Variants in CFHR3 observed in about 807,000 individuals in gnomAD.
CFHR3 encodes complement factor H-related protein 3.
In CFHR3, 22 loss-of-function variants were observed where a neutral mutation model predicts 36.0. The ratio of observed to expected loss-of-function variants is 0.61; its 90% CI spans 0.44 to 0.87. CFHR3 has a LOEUF of 0.87. CFHR3 is among the 40% of genes least tolerant of loss of function. CFHR3 has a pLI of 0.00. For missense variants in CFHR3, 276 were observed against 401.3 expected, an observed-to-expected ratio of 0.69 and a Z score of 2.67; for synonymous variants, 97 against 137.4, an observed-to-expected ratio of 0.71 and a Z score of 2.06.
In CFHR3 at chr1:196,789,696, G is replaced by A. The variant is rs1461656936; in HGVS notation, c.614-349G>A. On this transcript the variant is annotated intron_variant, in intron 4 of 5. Coordinates refer to ENST00000367425, the MANE Select transcript of CFHR3 (RefSeq NM_021023.6). ...TACGATGGATATGAAATCAGTTATG[G>A]AAACACCACAGGTTCCATAGTGTGT... is the stretch of plus-strand genomic sequence containing the variant. 3 of 1,475,234 alleles carry A rather than the reference G, an allele frequency of 2.0e-6. No homozygotes were observed. In the African/African-American group the frequency reaches 5.2e-5, roughly 26 times the overall value. 91.4% of individuals were successfully genotyped at this position (1,475,234 alleles called of 1,614,324 possible). A position where few individuals can be genotyped will look rare whatever the true frequency, so the allele number is the denominator to read the frequency against.
chr1:196,778,634 C>T (rs1653825711), intron 1 of CFHR3, among the ~76,000 whole-genome samples: 1 of 135,292 alleles, frequency 7.4e-6, no homozygotes, highest in African/African-American at 3.1e-5. Context: ...TGCATGCCAT[C>T]GAATACAAAC....
At chr1:196,788,420 A>G in intron 4 of CFHR3, 22 bp downstream of exon 4, 1 of 1,522,398 alleles carries the variant, frequency 6.6e-7, no homozygotes, top group Non-Finnish European at 8.9e-7. Flanking sequence ...ACATATTCCC[A>G]TTCAGTTTCT....
chr1:196,778,045 C>G, intron 1 of CFHR3, among the ~76,000 whole-genome samples: 1 of 133,086 alleles, frequency 7.5e-6, no homozygotes, highest in East Asian at 2.0e-4. Context: ...AATATATGTC[C>G]CTTTCTTCTT....
chr1:196,787,055 ATTGT>A lies in CFHR3; in HGVS notation c.431-1156_431-1153del, dbSNP rs767727462. Among the ~76,000 whole-genome samples the A allele has an allele frequency of 1.2e-4, 16 of 137,464 alleles. 3 individuals are homozygous for A. Among genetic ancestry groups the A allele is most frequent in the Non-Finnish European group, 1.7e-4 (11 of 64,686 alleles). 90.2% of individuals were successfully genotyped at this position (137,464 alleles called of 152,430 possible). A position where few individuals can be genotyped will look rare whatever the true frequency, so the allele number is the denominator to read the frequency against. On this transcript the variant is annotated intron_variant, in intron 3 of 5. Coordinates refer to ENST00000367425, the MANE Select transcript of CFHR3 (RefSeq NM_021023.6). ...TTTTTAAGTAAAGGGGACTCTGAAAATTGTTTGTGTGTATTGTTTGCAATTTACA... is the reference window on the plus strand; with the variant it reads ...TTTTTAAGTAAAGGGGACTCTGAAAATTGTGTGTATTGTTTGCAATTTACA...
chr1:196,777,758 G>A lies in CFHR3; in HGVS notation c.59-1404G>A, dbSNP rs547128546. ...TCCCAGCACTTTCGGGGGCCAAGGC[G>A]CGCGGATCACTTGAGGTCAGGAGTT... On this transcript the variant is annotated intron_variant, in intron 1 of 5. Coordinates refer to ENST00000367425, the MANE Select transcript of CFHR3 (RefSeq NM_021023.6). Among the ~76,000 whole-genome samples, 70 of 135,032 alleles carry A rather than the reference G, an allele frequency of 5.2e-4. 9 individuals carry two copies. Among genetic ancestry groups the A allele is most frequent in the Non-Finnish European group, 6.4e-4 (41 of 64,030 alleles). 88.6% of individuals were successfully genotyped at this position (135,032 alleles called of 152,430 possible). A position where few individuals can be genotyped will look rare whatever the true frequency, so the allele number is the denominator to read the frequency against.
At chr1:196,789,093 T>A (rs1654321957) in intron 4 of CFHR3, 2 of 1,086,302 alleles carry the variant, frequency 1.8e-6, no homozygotes, top group African/African-American at 4.2e-5. Flanking sequence ...AAAAGTTGAT[T>A]TTTTTTCTTT....
chr1:196,780,028 A>G, intron 3 of CFHR3, 55 bp downstream of exon 3: 1 of 1,522,556 alleles, frequency 6.6e-7, no homozygotes, highest in South Asian at 1.2e-5. Flanking sequence ...AGTAACACGG[A>G]CGACAGTCTC....
Position 196,786,422 on chromosome 1 carries a change from G to A in CFHR3, c.431-1794G>A, listed in dbSNP as rs1221840670. On this transcript the variant is annotated intron_variant, in intron 3 of 5. Transcript: ENST00000367425. ...GCCCCCAGAGGTGGAGCCTACAGAGGCAGGCAGGCCTCCTTGAGCTGTGGT... is the reference window on the plus strand; with the variant it reads ...GCCCCCAGAGGTGGAGCCTACAGAGACAGGCAGGCCTCCTTGAGCTGTGGT... Among the ~76,000 whole-genome samples, 2 of 135,746 alleles carry A rather than the reference G, an allele frequency of 1.5e-5. 1 individual carries two copies. Among genetic ancestry groups the A allele is most frequent in the Non-Finnish European group, 3.1e-5 (2 of 64,192 alleles). 89.1% of individuals were successfully genotyped at this position (135,746 alleles called of 152,430 possible).
At chr1:196,779,136 CTTTT>C (rs755753817) in intron 1 of CFHR3, 22 bp from the exon 2 acceptor site, 1 of 1,438,144 alleles carries the variant, frequency 7.0e-7, no homozygotes, top group Non-Finnish European at 9.5e-7. Flanking sequence ...ATTATTTATA[CTTTT>C]TTGTTTGTTT....
At chr1:196,780,451 A>G (rs1653901123) in intron 3 of CFHR3, among the ~76,000 whole-genome samples, 1 of 137,414 alleles carries the variant, frequency 7.3e-6, no homozygotes, top group African/African-American at 3.0e-5. Context: ...AATATTTACA[A>G]GTTGAGTGGC....
chr1:196,789,399 C>T, intron 4 of CFHR3: 5 of 894,956 alleles, frequency 5.6e-6, no homozygotes, highest in Non-Finnish European at 6.6e-6. Flanking sequence ...TTTTCAATTT[C>T]TATACTTATC....
chr1:196,782,753 G>A (rs149283687), intron 3 of CFHR3, among the ~76,000 whole-genome samples: 2,479 of 136,910 alleles, frequency 0.018, 668 homozygotes, highest in African/African-American at 0.072. Flanking sequence ...CTGCAAACAA[G>A]GACAATTTGA....
chr1:196,781,651 T>G (rs1414134882), intron 3 of CFHR3, among the ~76,000 whole-genome samples: 1 of 135,936 alleles, frequency 7.4e-6, no homozygotes, highest in Non-Finnish European at 1.6e-5. Context: ...ATGGGGTTGT[T>G]TGTTTTTTTC....
At chr1:196,781,298 G>A (rs375318605) in intron 3 of CFHR3, among the ~76,000 whole-genome samples, 1 of 135,300 alleles carries the variant, frequency 7.4e-6, no homozygotes, top group Non-Finnish European at 1.6e-5. Context: ...ATGATTTATA[G>A]TCCTTTGGGT....
Position 196,790,435 on chromosome 1 carries a change from C to T in CFHR3, c.796+208C>T, listed in dbSNP as rs956784802. ...CAATGACCAAGTTTCTTTTTTAAAACAGGAATGTCGGCCTGGGGTGGTGGC... is the reference window on the plus strand; with the variant it reads ...CAATGACCAAGTTTCTTTTTTAAAATAGGAATGTCGGCCTGGGGTGGTGGC... On this transcript the variant is annotated intron_variant, in intron 5 of 5. Transcript: ENST00000367425. Among the ~76,000 whole-genome samples the T allele has an allele frequency of 1.9e-3, 252 of 131,634 alleles. 40 individuals are homozygous for T. Among genetic ancestry groups the T allele is most frequent in the South Asian group, 0.011 (40 of 3,642 alleles). The allele number at this position is 131,634 out of a possible 152,430, so 86.4% of individuals were successfully genotyped here.
chr1:196,780,108 T>A (rs1309703024), intron 3 of CFHR3, 135 bp downstream of exon 3: 1 of 1,197,600 alleles, frequency 8.4e-7, no homozygotes, highest in African/African-American at 1.9e-5. Context: ...TATTTAGTTT[T>A]ACTTTTTTAA....
chr1:196,786,338 C>G (rs1401493729), intron 3 of CFHR3, among the ~76,000 whole-genome samples: 1 of 134,852 alleles, frequency 7.4e-6, no homozygotes, highest in African/African-American at 3.2e-5. Context: ...TCAAAGCTGT[C>G]AGACAGGGAC....
Position 196,793,786 on chromosome 1 carries a change from G to A in CFHR3, c.*273G>A, listed in dbSNP as rs1474891700. 1.7e-5 allele frequency: 5 copies of A among 290,112 alleles called. No homozygotes were observed. Among genetic ancestry groups the A allele is most frequent in the Non-Finnish European group, 3.1e-5 (5 of 158,734 alleles). The allele number at this position is 290,112 out of a possible 1,614,324, so 18.0% of individuals were successfully genotyped here. ...GAATTAGTAAGTATAGAGACAGACA[G>A]CTGAATGGCTTTCTGCATATTGTAT... On this transcript the variant is annotated 3_prime_UTR_variant, in exon 6 of 6. Coordinates refer to ENST00000367425, the MANE Select transcript of CFHR3 (RefSeq NM_021023.6).
In CFHR3 at chr1:196,793,363, G is replaced by A; in HGVS notation, c.843G>A (p.Lys281=). 1 of 1,522,198 alleles carries A rather than the reference G, an allele frequency of 6.6e-7. No individual in the cohort carries two copies. The highest frequency in any genetic ancestry group is 2.3e-5 in the East Asian group (1 of 44,434). The allele number at this position is 1,522,198 out of a possible 1,614,324, so 94.3% of individuals were successfully genotyped here. A position where few individuals can be genotyped will look rare whatever the true frequency, so the allele number is the denominator to read the frequency against. ...AAAACATGAATAAAAATAACATAAA[G>A]TTAAAAGGAAGAAGTGACAGAAAAT... ...TEENMNKNNI[K]LKGRSDRKYY... Residue 281 remains lysine (K), a synonymous_variant, in exon 6 of 6, where the codon AAG becomes AAA. Coordinates refer to ENST00000367425, the MANE Select transcript of CFHR3 (RefSeq NM_021023.6).
Sources: allele counts gnomAD v4.1 joint callset (sites outside exome capture counted in the v4.1 genomes callset), GRCh38; gene constraint gnomAD v4.1.1; transcripts MANE v1.5; gene names NCBI Gene and HGNC (gene_info 2026-07-23, HGNC 2026-07-21).